CCNF: variants seen among roughly 807,000 people sequenced by gnomAD.
CCNF encodes the protein cyclin F.
Under a neutral mutation model 85.4 loss-of-function variants are expected in CCNF, and 30 were observed. The ratio of observed to expected loss-of-function variants is 0.35; its 90% CI spans 0.26 to 0.48. CCNF has a LOEUF of 0.48. Ranked by LOEUF, CCNF falls within the 20% of genes least tolerant of loss-of-function variation. The probability of loss-of-function intolerance (pLI) is 0.99; values close to 1 mark genes in which losing one functional copy is unlikely to be tolerated. For synonymous variants in CCNF, 439 were observed against 425.1 expected, an observed-to-expected ratio of 1.03 and a Z score of -0.40; for missense variants, 919 against 1,010.4, an observed-to-expected ratio of 0.91 and a Z score of 1.23.
chr16:2,431,288 A>G lies in CCNF; in HGVS notation c.171+4A>G. On this transcript the variant is annotated splice_donor_region_variant and intron_variant, in intron 2 of 16. Transcript: ENST00000397066. ...GGACATCCTGGCCGTCCGAGCTGTA[A>G]GTCCCTGCATGAAAACACTATGAGC... 6.2e-7 allele frequency: 1 copy of G among 1,613,822 alleles called. No homozygotes were observed. Among genetic ancestry groups the G allele is most frequent in the African/African-American group, 1.3e-5 (1 of 75,038 alleles).
chr16:2,435,489 G>A (rs1701791102), intron 3 of CCNF, among the ~76,000 whole-genome samples: 2 of 150,958 alleles, frequency 1.3e-5, no homozygotes, highest in African/African-American at 2.4e-5. Flanking sequence ...GGATGCCGGG[G>A]TGGGAGAATG....
At chr16:2,443,551 T>C in intron 8 of CCNF, 98 bp from the exon 9 acceptor site, 1 of 1,180,456 alleles carries the variant, frequency 8.5e-7, no homozygotes, top group Non-Finnish European at 1.2e-6. Context: ...GGGCAGTGTG[T>C]CCACATGCAT....
At chr16:2,444,102 G>C (rs986809840) in intron 9 of CCNF, among the ~76,000 whole-genome samples, 16 of 151,758 alleles carry the variant, frequency 1.1e-4, no homozygotes, top group Admixed American at 2.0e-4. Flanking sequence ...TGTATTTTTA[G>C]TAGAGATGGG....
At chr16:2,435,229 C>T (rs572047867) in intron 3 of CCNF, among the ~76,000 whole-genome samples, 56 of 117,654 alleles carry the variant, frequency 4.8e-4, no homozygotes, top group African/African-American at 1.6e-3. Context: ...CCAGCCTGGG[C>T]AACAGAGCAG....
chr16:2,449,571 G>A (rs962701603), intron 12 of CCNF, 109 bp downstream of exon 12: 17 of 1,144,984 alleles, frequency 1.5e-5, no homozygotes, highest in African/African-American at 3.1e-5. Flanking sequence ...GTTACTTCTT[G>A]GGGGGTGAGA....
chr16:2,448,813 A>G, intron 10 of CCNF, 42 bp from the exon 11 acceptor site: 1 of 1,598,612 alleles, frequency 6.3e-7, no homozygotes, highest in Non-Finnish European at 8.6e-7. Context: ...CCCCTGCCCC[A>G]GGAAGTGGGC....
At chr16:2,439,581 C>T in intron 7 of CCNF, 124 bp downstream of exon 7, 1 of 895,640 alleles carries the variant, frequency 1.1e-6, no homozygotes, top group Non-Finnish European at 1.8e-6. Flanking sequence ...GTCTCTCAGC[C>T]TCCGGGAACC....
In CCNF at chr16:2,450,957, C is replaced by T. The variant is rs373992181; in HGVS notation, c.1487+1042C>T. ...GAGACTGCGGGTGGGTCCCTTGCGCCGTCGTGCCCGGATGTGACCCCCTGT... is the reference window on the plus strand; with the variant it reads ...GAGACTGCGGGTGGGTCCCTTGCGCTGTCGTGCCCGGATGTGACCCCCTGT... On this transcript the variant is annotated intron_variant, in intron 13 of 16. Coordinates refer to ENST00000397066, the MANE Select transcript of CCNF (RefSeq NM_001761.3). 2.9e-3 allele frequency among the ~76,000 whole-genome samples: 437 copies of T among 152,332 alleles called. 3 individuals carry two copies. The highest frequency in any genetic ancestry group is 3.5e-3 in the Non-Finnish European group (241 of 68,030).
intron 2 of CCNF, among the ~76,000 whole-genome samples, 164 bp downstream of exon 2, chr16:2,431,448 G>C (rs113037686): frequency 1.4e-4 from 21 of 152,096 alleles, no homozygotes; most frequent in East Asian, 1.9e-4. Flanking sequence ...GAGGCCGAAG[G>C]GGGGTGGATC....
rs978032145 is a variant in CCNF at position 2,436,304 on chromosome 16, G to C, written c.346+431G>C. On this transcript the variant is annotated intron_variant, in intron 4 of 16. Transcript: ENST00000397066. ...GGCTTCTAAACGGGAAGCAGGTACA[G>C]GCAGGTTAGAACTGGCCTGGTGCCT... The C allele has an allele frequency of 5.1e-5, 8 of 156,618 alleles. No individual in the cohort carries two copies. The Admixed American group carries it at 5.1e-4, about 10-fold the overall frequency. 9.7% of individuals were successfully genotyped at this position (156,618 alleles called of 1,614,324 possible).
At chr16:2,439,853 G>A in intron 8 of CCNF, 27 bp downstream of exon 8, 1 of 1,600,308 alleles carries the variant, frequency 6.2e-7, no homozygotes, top group South Asian at 1.1e-5. Flanking sequence ...GGATGACGTG[G>A]GGAGCTGGCC....
At position 2,435,812 on chromosome 16, in the gene CCNF, T is replaced by A; in HGVS notation, c.285T>A (p.Ala95=). ...TATGTTCTTAATGTTTCAGGGCTGC[T>A]GAAAAGGGGAATTTCGAAGCTGCTG... ...PGNLKLFERA[A]EKGNFEAAVK... Residue 95 remains alanine, a synonymous_variant, in exon 4 of 17, where the codon GCT becomes GCA. Transcript: ENST00000397066. The A allele has an allele frequency of 6.2e-7, 1 of 1,613,530 alleles. No homozygotes were observed. The highest frequency in any genetic ancestry group is 8.5e-7 in the Non-Finnish European group (1 of 1,179,636).
chr16:2,449,786 T>TCCCCTCCAC, intron 12 of CCNF, 42 bp from the exon 13 acceptor site: 2 of 720,658 alleles, frequency 2.8e-6, no homozygotes, highest in Non-Finnish European at 2.2e-6. Flanking sequence ...ATCCCCTCCG[T>TCCCCTCCAC]CCCCTCCATC....
At chr16:2,431,552 C>T (rs926054038) in intron 2 of CCNF, among the ~76,000 whole-genome samples, 5 of 151,584 alleles carry the variant, frequency 3.3e-5, no homozygotes, top group South Asian at 2.1e-4. Context: ...TGGTGTCTCA[C>T]GCCTGTAATC....
Position 2,439,822 on chromosome 16 carries a change from C to T in CCNF, c.773C>T (p.Ala258Val), listed in dbSNP as rs766126024. 1.9e-6 allele frequency: 3 copies of T among 1,613,874 alleles called. No individual in the cohort carries two copies. Among genetic ancestry groups the T allele is most frequent in the Non-Finnish European group, 2.5e-6 (3 of 1,179,794 alleles). The stretch of plus-strand genomic sequence containing the variant: ...TACGCTGCCAAAGGCTGCTGGGAAG[C>T]GCAGGTGAGGTGCGGGGCTGGGATG... Reference protein sequence around the residue: ...RDYAAKGCWEAQLSLAKACAN... With the variant: ...RDYAAKGCWEVQLSLAKACAN... Residue 258 changes from alanine (A) to valine (V), a missense_variant, in exon 8 of 17, where the codon GCG (alanine) becomes GTG (valine). Physicochemically the swap from Ala to Val is moderately conservative, Grantham distance 64. Transcript: ENST00000397066.
chr16:2,456,517 A>T lies in CCNF; in HGVS notation c.1886-28A>T. The T allele has an allele frequency of 1.4e-6, 2 of 1,459,530 alleles. No individual in the cohort carries two copies. Among genetic ancestry groups the T allele is most frequent in the Non-Finnish European group, 9.2e-7 (1 of 1,089,608 alleles). The allele number at this position is 1,459,530 out of a possible 1,614,324, so 90.4% of individuals were successfully genotyped here. ...TCCCCTGATGCTTGGGTGTGACATGACTTCCCTCCCCACCAACCTTCCTGC... is the reference window on the plus strand; with the variant it reads ...TCCCCTGATGCTTGGGTGTGACATGTCTTCCCTCCCCACCAACCTTCCTGC... On this transcript the variant is annotated intron_variant, in intron 16 of 16. Transcript: ENST00000397066. The surrounding 1 kb of genome is among the most constrained non-coding windows in gnomAD (Gnocchi z 4.5).
At chr16:2,454,587 G>T (rs1172227423) in intron 15 of CCNF, among the ~76,000 whole-genome samples, 2 of 152,250 alleles carry the variant, frequency 1.3e-5, no homozygotes, top group Non-Finnish European at 2.9e-5. Flanking sequence ...GGGTCAGGAA[G>T]TGGAAAGGCT....
At position 2,443,785 on chromosome 16, in the gene CCNF, T is replaced by C. The variant is rs776766249; in HGVS notation, c.914T>C (p.Leu305Pro). ...CAAGTCTTCTCCGTGCAGAAGGGAC[T>C]CAATGACACAATGAGGTGAGGCATT... ...KQQVFSVQKG[L>P]NDTMRYILID... The change falls in exon 9 of 17, where the codon CTC (leucine) becomes CCC (proline). Residue 305 changes from leucine (L) to proline (P), a missense_variant. By Grantham distance (98) the Leu-to-Pro change is moderately conservative. This residue lies in a region of CCNF where 410 missense variants were observed against 478.6 expected (regional missense o/e 0.86). Transcript: ENST00000397066. The C allele has an allele frequency of 6.2e-7, 1 of 1,614,112 alleles. No individual in the cohort carries two copies.
At position 2,452,802 on chromosome 16, in the gene CCNF, C is replaced by A; in HGVS notation, c.1488-408C>A. 4.5e-6 allele frequency: 1 copy of A among 221,276 alleles called. No homozygotes were observed. The highest frequency in any genetic ancestry group is 9.1e-6 in the Non-Finnish European group (1 of 109,346). The allele number at this position is 221,276 out of a possible 1,614,324, so 13.7% of individuals were successfully genotyped here. A position where few individuals can be genotyped will look rare whatever the true frequency, so the allele number is the denominator to read the frequency against. On this transcript the variant is annotated intron_variant, in intron 13 of 16. Coordinates refer to ENST00000397066, the MANE Select transcript of CCNF (RefSeq NM_001761.3). The surrounding 1 kb of genome is among the most constrained non-coding windows in gnomAD (Gnocchi z 4.1). ...ATAAATGGCGTCATCGGACAAGTGG[C>A]CTTCTGTGTCTAGGTGATTTCCCTC...
Sources: gnomAD v4.1 joint callset for allele counts (sites outside exome capture counted in the v4.1 genomes callset) on GRCh38, gnomAD v4.1.1 for gene constraint, gnomAD v4.1.1 regional missense constraint, Gnocchi (gnomAD v3.1) non-coding constraint, MANE v1.5 for transcripts, NCBI Gene and HGNC (gene_info 2026-07-23, HGNC 2026-07-21) for gene names.